The following ADAM19 variants were observed in gnomAD, a reference collection of about 807,000 sequenced individuals.
ADAM19 encodes the protein disintegrin and metalloproteinase domain-containing protein 19.
In ADAM19, 65 loss-of-function variants were observed where a neutral mutation model predicts 114.7. That is an observed-to-expected ratio of 0.57 (90% confidence interval 0.46 to 0.70). The LOEUF (loss-of-function observed/expected upper bound fraction) is 0.70, where lower values mean the gene tolerates loss of function less well. Among genes scored for constraint, ADAM19 ranks in the 30% least tolerant of loss-of-function variants. The pLI is 0.00. For synonymous variants in ADAM19, 466 were observed against 460.5 expected, an observed-to-expected ratio of 1.01 and a Z score of -0.15; for missense variants, 1,063 against 1,204.7, an observed-to-expected ratio of 0.88 and a Z score of 1.74.
At position 157,489,125 on chromosome 5, in the gene ADAM19, G is replaced by A; in HGVS notation, c.2302C>T (p.Gln768Ter). 6.2e-7 allele frequency: 1 copy of A among 1,614,170 alleles called. No homozygotes were observed. The highest frequency in any genetic ancestry group is 1.1e-5 in the South Asian group (1 of 91,076). Reference sequence around the variant, plus strand: ...ACCTTTCGCTTGCCCTGGGGCGTCTGCAGCTTGAAAGTTGGGTTGGCATGA... The same window carrying A: ...ACCTTTCGCTTGCCCTGGGGCGTCTACAGCTTGAAAGTTGGGTTGGCATGA... ...TGHANPTFKLQTPQGKRKVIN... is the reference protein window; with the variant it reads ...TGHANPTFKL Residue 768 changes from glutamine (Q) to a stop codon, truncating the protein, a stop_gained, in exon 20 of 23, where the codon CAG becomes TAG. Transcript: ENST00000257527. LOFTEE classifies it high-confidence loss of function.
chr5:157,477,799 G>T lies in ADAM19; in HGVS notation c.*3150C>A. On this transcript the variant is annotated 3_prime_UTR_variant, in exon 23 of 23. Coordinates refer to ENST00000257527, the MANE Select transcript of ADAM19 (RefSeq NM_033274.5). ...GACTTCCAATAAAGATTGGAAAGGCGTATTGCAGGAGGTGGGGAGGGGCTA... is the reference window on the plus strand; with the variant it reads ...GACTTCCAATAAAGATTGGAAAGGCTTATTGCAGGAGGTGGGGAGGGGCTA... 8.6e-7 allele frequency: 1 copy of T among 1,168,512 alleles called. No individual in the cohort carries two copies. The highest frequency in any genetic ancestry group is 1.1e-6 in the Non-Finnish European group (1 of 878,566). The allele number at this position is 1,168,512 out of a possible 1,614,324, so 72.4% of individuals were successfully genotyped here.
chr5:157,518,083 C>A (rs1362969857), intron 7 of ADAM19, among the ~76,000 whole-genome samples: 1 of 151,990 alleles, frequency 6.6e-6, no homozygotes, highest in African/African-American at 2.4e-5. Context: ...AAAATGGACC[C>A]ACACATGGGC....
intron 4 of ADAM19, 68 bp from the exon 5 acceptor site, chr5:157,530,951 G>T: frequency 7.6e-7 from 1 of 1,313,432 alleles, no homozygotes; most frequent in Non-Finnish European, 1.1e-6. Context: ...AATATCTCAG[G>T]ATGGTCATGG....
intron 1 of ADAM19, among the ~76,000 whole-genome samples, chr5:157,575,367 G>C (rs1581366877): frequency 1.3e-5 from 2 of 152,370 alleles, no homozygotes; most frequent in East Asian, 3.9e-4. Flanking sequence ...GGGAAGGCTA[G>C]CCAGTGAGCG....
intron 7 of ADAM19, among the ~76,000 whole-genome samples, chr5:157,516,838 C>G (rs1756104596): frequency 6.6e-6 from 1 of 152,146 alleles, no homozygotes; most frequent in South Asian, 2.1e-4. Flanking sequence ...ACTATGGAGC[C>G]TCAGCTGGCT....
In ADAM19 at chr5:157,519,926, C is replaced by T. The variant is rs1012371341; in HGVS notation, c.513G>A (p.Pro171=). 1.8e-5 allele frequency: 29 copies of T among 1,614,050 alleles called. No homozygotes were observed. Among genetic ancestry groups the T allele is most frequent in the African/African-American group, 9.3e-5 (7 of 74,998 alleles). ...TGGAGTGCTCGAACCCACAGTTTCC[C>T]GGGGGCGGCTTGAGATGTTCAGATC... ...IYRSEHLKPP[P]GNCGFEHSKP... is the part of the protein sequence containing the mutation. The change falls in exon 6 of 23, where the codon CCG becomes CCA. Residue 171 remains proline (P), a synonymous_variant. Coordinates refer to ENST00000257527, the MANE Select transcript of ADAM19 (RefSeq NM_033274.5).
At chr5:157,536,718 T>C (rs1408029629) in intron 4 of ADAM19, among the ~76,000 whole-genome samples, 2 of 152,208 alleles carry the variant, frequency 1.3e-5, no homozygotes, top group African/African-American at 2.4e-5. Flanking sequence ...TAATGACTGA[T>C]AGTGGCCAGT....
At chr5:157,551,276 C>G (rs144925391) in intron 3 of ADAM19, among the ~76,000 whole-genome samples, 2 of 151,806 alleles carry the variant, frequency 1.3e-5, no homozygotes, top group African/African-American at 4.8e-5. Context: ...TGGTGGTGCA[C>G]GCCTGTAATC....
At chr5:157,499,940 G>A (rs201264967) in intron 12 of ADAM19, among the ~76,000 whole-genome samples, 1 of 148,960 alleles carries the variant, frequency 6.7e-6, no homozygotes, top group East Asian at 2.0e-4. Context: ...CACCACACCT[G>A]GCTAATTTTT....
rs1199003688 is a variant in ADAM19, at chr5:157,494,991, TC to T, written c.1595-197del. 2.0e-5 allele frequency among the ~76,000 whole-genome samples: 3 copies of T among 152,092 alleles called. No individual in the cohort carries two copies. In the East Asian group the frequency reaches 5.8e-4, roughly 29 times the overall value. ...CTCAGAGAATAATGTTTTATATAAA[TC>T]CTTTTTTTTTTCTTTCAGATGGATT... On this transcript the variant is annotated intron_variant, in intron 14 of 22. Coordinates refer to ENST00000257527, the MANE Select transcript of ADAM19 (RefSeq NM_033274.5).
chr5:157,538,441 T>C (rs1295525530), intron 3 of ADAM19, among the ~76,000 whole-genome samples: 2 of 152,216 alleles, frequency 1.3e-5, no homozygotes, highest in Non-Finnish European at 2.9e-5. Context: ...TTTGGTGAGA[T>C]TGTCAATCAA....
chr5:157,536,448 T>C (rs1159914276), intron 4 of ADAM19, among the ~76,000 whole-genome samples: 6 of 152,148 alleles, frequency 3.9e-5, no homozygotes, highest in Admixed American at 1.3e-4. Flanking sequence ...GCCAACATGG[T>C]GAAACCCTGT....
At chr5:157,569,615 G>A (rs762140769) in intron 2 of ADAM19, among the ~76,000 whole-genome samples, 4 of 151,694 alleles carry the variant, frequency 2.6e-5, no homozygotes. Flanking sequence ...GAGCCTTTTT[G>A]GACATGTCTG....
chr5:157,496,946 G>A lies in ADAM19; in HGVS notation c.1542C>T (p.Tyr514=). The part of the protein sequence containing the change: ...TPCEGGQAYC[Y]NGMCLTYQEQ... Reference sequence around the variant, plus strand: ...CCTGGTAGGTGAGGCACATGCCGTTGTAGCAGTAGGCCTGGCCGCCCTCAC... The same window carrying A: ...CCTGGTAGGTGAGGCACATGCCGTTATAGCAGTAGGCCTGGCCGCCCTCAC... The change falls in exon 14 of 23, where the codon TAC becomes TAT. Residue 514 remains tyrosine (Y), a synonymous_variant. Coordinates refer to ENST00000257527, the MANE Select transcript of ADAM19 (RefSeq NM_033274.5). 1 of 1,598,482 alleles carries A rather than the reference G, an allele frequency of 6.3e-7. No individual in the cohort carries two copies. Among genetic ancestry groups the A allele is most frequent in the South Asian group, 1.1e-5 (1 of 88,382 alleles).
chr5:157,491,316 C>A (rs976574581), intron 18 of ADAM19, among the ~76,000 whole-genome samples: 2 of 152,116 alleles, frequency 1.3e-5, no homozygotes, highest in African/African-American at 4.8e-5. Flanking sequence ...GAAATAGTCA[C>A]CGTGTCCCCT....
chr5:157,495,021 G>A (rs902399495), intron 14 of ADAM19, among the ~76,000 whole-genome samples: 10 of 150,614 alleles, frequency 6.6e-5, no homozygotes, highest in Non-Finnish European at 1.5e-4. Flanking sequence ...ATGGATTCTC[G>A]CTCTGTCACC....
intron 4 of ADAM19, among the ~76,000 whole-genome samples, chr5:157,535,489 C>G (rs1309587440): frequency 6.6e-6 from 1 of 152,222 alleles, no homozygotes; most frequent in Admixed American, 6.5e-5. Flanking sequence ...TGACTGAGAA[C>G]CCCATGGGCC....
In ADAM19 at chr5:157,479,551, C is replaced by T. The variant is rs912915516; in HGVS notation, c.*1398G>A. On this transcript the variant is annotated 3_prime_UTR_variant, in exon 23 of 23. Coordinates refer to ENST00000257527, the MANE Select transcript of ADAM19 (RefSeq NM_033274.5). ...CCGTCCTATCTAGCAAAGCACCACA[C>T]GGCCCTCCTTCCCTGCTGCAGGGAA... The T allele has an allele frequency of 2.4e-5, 24 of 985,806 alleles. No homozygotes were observed. Among genetic ancestry groups the T allele is most frequent in the East Asian group, 1.1e-4 (1 of 8,824 alleles). The allele number at this position is 985,806 out of a possible 1,614,324, so 61.1% of individuals were successfully genotyped here.
At chr5:157,507,226 G>T in intron 9 of ADAM19, 86 bp from the exon 10 acceptor site, 1 of 1,374,252 alleles carries the variant, frequency 7.3e-7, no homozygotes, top group Non-Finnish European at 1.0e-6. Context: ...CCATCACGGG[G>T]TTCCCTGGAC....
Sources: gnomAD v4.1 joint callset for allele counts (sites outside exome capture counted in the v4.1 genomes callset) on GRCh38, gnomAD v4.1.1 for gene constraint, MANE v1.5 for transcripts, NCBI Gene and HGNC (gene_info 2026-07-23, HGNC 2026-07-21) for gene names.